Variants in ESRRG observed in about 807,000 individuals in gnomAD.
ESRRG encodes the protein estrogen-related receptor gamma.
Under a neutral mutation model 44.0 loss-of-function variants are expected in ESRRG, and 13 were observed. The ratio of observed to expected loss-of-function variants is 0.30; its 90% confidence interval spans 0.19 to 0.47. The LOEUF is 0.47. Ranked by LOEUF, ESRRG falls within the 20% of genes least tolerant of loss-of-function variation. The pLI is 1.00. For synonymous variants in ESRRG, 215 were observed against 214.6 expected, an observed-to-expected ratio of 1.00 and a Z score of -0.02; for missense variants, 395 against 580.6, an observed-to-expected ratio of 0.68 and a Z score of 3.29.
chr1:216,772,456 C>T (rs982190876), intron 2 of ESRRG, among the ~76,000 whole-genome samples: 1 of 152,138 alleles, frequency 6.6e-6, no homozygotes, highest in African/African-American at 2.4e-5. Context: ...ATGTATATCA[C>T]TCTACCTTTA....
intron 2 of ESRRG, among the ~76,000 whole-genome samples, chr1:216,936,184 G>T (rs1210727751): frequency 6.6e-6 from 1 of 151,712 alleles, no homozygotes; most frequent in Non-Finnish European, 1.5e-5. Flanking sequence ...GTGTTGTGGG[G>T]GCAACAAAGA....
intron 3 of ESRRG, among the ~76,000 whole-genome samples, chr1:216,589,569 C>T (rs2057293252): frequency 1.3e-5 from 2 of 151,880 alleles, no homozygotes; most frequent in Admixed American, 6.6e-5. Flanking sequence ...GAGAAGGAAA[C>T]TAAGAAAGGA....
In ESRRG at chr1:216,677,148, T is replaced by C. The variant is rs745526622; in HGVS notation, c.400A>G (p.Ile134Val). ...ACCCCATAGTGGTACCCAGAAGCGA[T>C]GTCACCACACACTAAACACAGTCTC... ...PKRLCLVCGD[I>V]ASGYHYGVAS... is the part of the protein sequence containing the mutation. Residue 134 changes from isoleucine to valine, a missense_variant, in exon 2 of 7, where the codon ATC (isoleucine) becomes GTC (valine). Physicochemically the swap from Ile to Val is conservative, Grantham distance 29. Around this residue, in one of 5 missense-constraint regions of ESRRG, gnomAD observed 35 missense variants for 120.1 expected, o/e 0.29. Transcript: ENST00000408911. The C allele has an allele frequency of 3.5e-5, 57 of 1,613,968 alleles. No individual in the cohort carries two copies. Among genetic ancestry groups the C allele is most frequent in the Non-Finnish European group, 4.2e-5 (50 of 1,179,936 alleles).
At chr1:217,100,515 C>G (rs1298677453) in intron 1 of ESRRG, among the ~76,000 whole-genome samples, 2 of 152,158 alleles carry the variant, frequency 1.3e-5, no homozygotes, top group Non-Finnish European at 2.9e-5. Context: ...TAAACCTTAT[C>G]CTGAGCCAGT....
chr1:216,650,759 C>T (rs570834034), intron 3 of ESRRG, among the ~76,000 whole-genome samples: 2 of 152,284 alleles, frequency 1.3e-5, no homozygotes, highest in African/African-American at 4.8e-5. Flanking sequence ...TTTCGCTGTA[C>T]ATCAGATCCT....
intron 1 of ESRRG, among the ~76,000 whole-genome samples, chr1:216,708,025 GT>G (rs2082779792): frequency 6.6e-6 from 1 of 152,140 alleles, no homozygotes; most frequent in Admixed American, 6.5e-5. Flanking sequence ...TGGAAGGCAA[GT>G]GGTGTTAGAT....
At chr1:216,966,853 C>A (rs1560293333) in intron 1 of ESRRG, among the ~76,000 whole-genome samples, 1 of 152,080 alleles carries the variant, frequency 6.6e-6, no homozygotes, top group African/African-American at 2.4e-5. Flanking sequence ...AGGGTGGCTG[C>A]TTTTTTAAGA....
chr1:217,120,272 T>G (rs1052822851), intron 1 of ESRRG, among the ~76,000 whole-genome samples: 1 of 151,772 alleles, frequency 6.6e-6, no homozygotes, highest in Admixed American at 6.6e-5. Flanking sequence ...ATATTTTATT[T>G]TATTTCATTT....
intron 2 of ESRRG, among the ~76,000 whole-genome samples, chr1:216,675,559 A>T (rs564986012): frequency 6.6e-6 from 1 of 152,326 alleles, no homozygotes; most frequent in Non-Finnish European, 1.5e-5. Context: ...GCAAGGGGCC[A>T]TTAGATGATG....
At chr1:216,889,838 C>T (rs542772720) in intron 2 of ESRRG, among the ~76,000 whole-genome samples, 3 of 152,164 alleles carry the variant, frequency 2.0e-5, no homozygotes, top group Non-Finnish European at 1.5e-5. Context: ...AATTATTTTA[C>T]TGTGTATAGA....
intron 1 of ESRRG, among the ~76,000 whole-genome samples, chr1:217,072,067 A>G (rs576296160): frequency 6.6e-6 from 1 of 152,312 alleles, no homozygotes; most frequent in South Asian, 2.1e-4. Context: ...TTGCACTTAT[A>G]ATGTAATTAT....
intron 1 of ESRRG, among the ~76,000 whole-genome samples, chr1:217,074,605 A>G (rs1298311936): frequency 6.6e-6 from 1 of 152,136 alleles, no homozygotes; most frequent in East Asian, 1.9e-4. Flanking sequence ...TGGGAGGCCA[A>G]GGTGGGAGGA....
intron 2 of ESRRG, among the ~76,000 whole-genome samples, chr1:216,893,924 A>G (rs1396944680): frequency 6.6e-6 from 1 of 152,200 alleles, no homozygotes; most frequent in African/African-American, 2.4e-5. Flanking sequence ...TATTTTCTAA[A>G]TGCAATGTAA....
At chr1:216,807,205 G>A (rs1041662514) in intron 2 of ESRRG, among the ~76,000 whole-genome samples, 7 of 152,104 alleles carry the variant, frequency 4.6e-5, no homozygotes, top group African/African-American at 1.4e-4. Context: ...TAATACAATT[G>A]TTCCACCGTC....
At chr1:217,119,180 A>G (rs17695807) in intron 1 of ESRRG, among the ~76,000 whole-genome samples, 22,992 of 152,224 alleles carry the variant, frequency 0.15, 2,280 homozygotes, top group Non-Finnish European at 0.2. Flanking sequence ...AGCACCATTC[A>G]TTACTGTGCA....
intron 1 of ESRRG, among the ~76,000 whole-genome samples, chr1:217,133,904 A>G (rs1327441100): frequency 2.0e-5 from 3 of 152,070 alleles, no homozygotes; most frequent in South Asian, 4.2e-4. Context: ...CTGAATTCCA[A>G]CATTTAGAGG....
intron 3 of ESRRG, among the ~76,000 whole-genome samples, chr1:216,631,949 C>T (rs1468570739): frequency 6.6e-6 from 1 of 152,132 alleles, no homozygotes; most frequent in Admixed American, 6.5e-5. Context: ...CACTCTCTCC[C>T]TCCTGAGGTG....
chr1:216,691,146 T>C (rs2078982102), intron 1 of ESRRG, among the ~76,000 whole-genome samples: 1 of 152,194 alleles, frequency 6.6e-6, no homozygotes, highest in South Asian at 2.1e-4. Flanking sequence ...TTTCTTGGTT[T>C]CCTTTGGTTT....
At chr1:216,722,139 T>C (rs551092251) in intron 1 of ESRRG, among the ~76,000 whole-genome samples, 1 of 152,342 alleles carries the variant, frequency 6.6e-6, no homozygotes, top group South Asian at 2.1e-4. Context: ...CATCTACCTA[T>C]AATGCACTAC....
Sources: gnomAD v4.1 joint callset for allele counts (sites outside exome capture counted in the v4.1 genomes callset) on GRCh38, gnomAD v4.1.1 for gene constraint, gnomAD v4.1.1 regional missense constraint, MANE v1.5 for transcripts, NCBI Gene and HGNC (gene_info 2026-07-23, HGNC 2026-07-21) for gene names.